Variants in KLHL14 observed in about 807,000 individuals in gnomAD.
KLHL14 encodes kelch like family member 14, also known as kelch-like protein 14.
A neutral mutation model predicts 64.3 loss-of-function variants in KLHL14; 22 were observed. That is an observed-to-expected ratio of 0.34 (90% CI 0.24 to 0.49). KLHL14 has a LOEUF of 0.49. Ranked by LOEUF, KLHL14 falls within the 20% of genes least tolerant of loss-of-function variation. KLHL14 has a pLI of 0.99. For missense variants in KLHL14, 661 were observed against 789.0 expected, an observed-to-expected ratio of 0.84 and a Z score of 1.94; for synonymous variants, 322 against 333.4, an observed-to-expected ratio of 0.97 and a Z score of 0.37.
chr18:32,737,993 TC>T (rs1368104939), intron 3 of KLHL14: 3 of 152,116 alleles, frequency 2.0e-5, no homozygotes, highest in Non-Finnish European at 2.9e-5. Context: ...TATTTTAAAG[TC>T]CCTCTTTTCT....
intron 3 of KLHL14, among the ~76,000 whole-genome samples, chr18:32,714,685 T>G (rs2050035927): frequency 6.6e-6 from 1 of 152,152 alleles, no homozygotes; most frequent in Non-Finnish European, 1.5e-5. Context: ...CGTTGCTGCT[T>G]CCTGTTCAAA....
chr18:32,707,066 CAAG>C (rs1299955911), intron 3 of KLHL14, among the ~76,000 whole-genome samples: 3 of 152,150 alleles, frequency 2.0e-5, no homozygotes, highest in African/African-American at 7.2e-5. Context: ...CCTCCCACCA[CAAG>C]AAGATTAATT....
intron 3 of KLHL14, chr18:32,737,296 G>C (rs1245352237): frequency 6.6e-6 from 1 of 152,052 alleles, no homozygotes; most frequent in Admixed American, 6.6e-5. Flanking sequence ...AACAAATAAT[G>C]ATAAATGATT....
Position 32,680,061 on chromosome 18 carries a change from A to G in KLHL14, c.1588+108T>C. 8.9e-7 allele frequency: 1 copy of G among 1,127,584 alleles called. No homozygotes were observed. The highest frequency in any genetic ancestry group is 1.2e-6 in the Non-Finnish European group (1 of 803,740). 69.8% of individuals were successfully genotyped at this position (1,127,584 alleles called of 1,614,324 possible). A position where few individuals can be genotyped will look rare whatever the true frequency, so the allele number is the denominator to read the frequency against. On this transcript the variant is annotated intron_variant, in intron 7 of 8. Transcript: ENST00000359358. The surrounding 1 kb of genome is among the most constrained non-coding windows in gnomAD (Gnocchi z 4.8). Reference sequence around the variant, plus strand: ...ACAGAGTAGATTTTATTAGGTCAACATGTTTTTTACTTGGTTAACTATGAT... The same window carrying G: ...ACAGAGTAGATTTTATTAGGTCAACGTGTTTTTTACTTGGTTAACTATGAT...
intron 2 of KLHL14, among the ~76,000 whole-genome samples, chr18:32,749,684 A>G (rs1240068174): frequency 6.6e-6 from 1 of 152,206 alleles, no homozygotes; most frequent in Non-Finnish European, 1.5e-5. Context: ...ACTCTTTCCC[A>G]TGTCCTCCCA....
chr18:32,711,217 A>G (rs937700537), intron 3 of KLHL14, among the ~76,000 whole-genome samples: 8 of 152,194 alleles, frequency 5.3e-5, no homozygotes, highest in Non-Finnish European at 1.5e-5. Context: ...GCACAGCTAC[A>G]TGTAAAAGCT....
chr18:32,755,169 C>G (rs1417536161), intron 2 of KLHL14, among the ~76,000 whole-genome samples: 1 of 152,032 alleles, frequency 6.6e-6, no homozygotes, highest in African/African-American at 2.4e-5. Flanking sequence ...CATGGTGCCA[C>G]AATGAACCCT....
At chr18:32,705,467 A>T (rs1387040773) in intron 3 of KLHL14, among the ~76,000 whole-genome samples, 1 of 152,252 alleles carries the variant, frequency 6.6e-6, no homozygotes, top group Non-Finnish European at 1.5e-5. Context: ...TCATGCCTGC[A>T]ATCCCAGCAC....
intron 4 of KLHL14, among the ~76,000 whole-genome samples, chr18:32,693,413 C>CACACAGAGAGAGAGAGAGAGAG (rs1229737083): frequency 2.1e-5 from 2 of 97,016 alleles, no homozygotes; most frequent in African/African-American, 9.7e-5. Context: ...CACACACACA[C>CACACAGAGAGAGAGAGAGAGAG]AGAGAGAGAG....
chr18:32,732,293 C>T (rs1195213974), intron 3 of KLHL14, among the ~76,000 whole-genome samples: 1 of 152,156 alleles, frequency 6.6e-6, no homozygotes, highest in Non-Finnish European at 1.5e-5. Flanking sequence ...CAATACAGTC[C>T]TATGTAGGAA....
chr18:32,727,815 T>A (rs2050115100), intron 3 of KLHL14, among the ~76,000 whole-genome samples: 1 of 152,204 alleles, frequency 6.6e-6, no homozygotes, highest in Admixed American at 6.5e-5. Context: ...ATCTGAGATT[T>A]ACCAGTATGA....
At chr18:32,720,510 T>C (rs1051986736) in intron 3 of KLHL14, among the ~76,000 whole-genome samples, 2 of 152,182 alleles carry the variant, frequency 1.3e-5, no homozygotes, top group African/African-American at 2.4e-5. Flanking sequence ...TTTGGGTTTC[T>C]ATTTGCAGTC....
rs2049955105 is a variant in KLHL14, at chr18:32,699,755, C to T, written c.1070-4203G>A. 1.3e-5 allele frequency among the ~76,000 whole-genome samples: 2 copies of T among 152,146 alleles called. 1 individual carries two copies. The highest frequency in any genetic ancestry group is 4.8e-5 in the African/African-American group (2 of 41,520). ...AATCATATTTTAAATGTGTTTATTA[C>T]TATGATATTTGAATGAATCCTTAAA... On this transcript the variant is annotated intron_variant, in intron 3 of 8. Transcript: ENST00000359358.
At chr18:32,742,480 C>T (rs2050204025) in intron 2 of KLHL14, among the ~76,000 whole-genome samples, 1 of 152,140 alleles carries the variant, frequency 6.6e-6, no homozygotes, top group African/African-American at 2.4e-5. Flanking sequence ...TAAGGTTATG[C>T]AGGGAGTTTG....
intron 3 of KLHL14, among the ~76,000 whole-genome samples, chr18:32,727,265 C>G (rs933455616): frequency 6.6e-6 from 1 of 152,192 alleles, no homozygotes; most frequent in African/African-American, 2.4e-5. Flanking sequence ...CTCTGCCTAG[C>G]AAAAGTACTC....
At chr18:32,709,802 G>T (rs2050010275) in intron 3 of KLHL14, among the ~76,000 whole-genome samples, 1 of 152,090 alleles carries the variant, frequency 6.6e-6, no homozygotes, top group African/African-American at 2.4e-5. Context: ...CCCAATAAGT[G>T]TTTGTTAAAT....
At chr18:32,704,556 C>T (rs1474977918) in intron 3 of KLHL14, among the ~76,000 whole-genome samples, 1 of 152,024 alleles carries the variant, frequency 6.6e-6, no homozygotes, top group Non-Finnish European at 1.5e-5. Flanking sequence ...AACCCTGTCT[C>T]TACTAAAAAT....
At chr18:32,714,901 T>C (rs1228403671) in intron 3 of KLHL14, among the ~76,000 whole-genome samples, 1 of 150,138 alleles carries the variant, frequency 6.7e-6, no homozygotes, top group African/African-American at 2.5e-5. Flanking sequence ...TTTTTTTTTC[T>C]TTTGATGCAG....
At position 32,683,764 on chromosome 18, in the gene KLHL14, C is replaced by T. The variant is rs1326653150; in HGVS notation, c.1239-3165G>A. On this transcript the variant is annotated intron_variant, in intron 5 of 8. Coordinates refer to ENST00000359358, the MANE Select transcript of KLHL14 (RefSeq NM_020805.3). The surrounding 1 kb of genome is among the most constrained non-coding windows in gnomAD (Gnocchi z 4.2). ...CAGATCTTTACAAGTTCTTTCTGGC[C>T]CTTGGAGTTGTCAGTTTATATCCTA... is the stretch of plus-strand genomic sequence containing the variant. Among the ~76,000 whole-genome samples the T allele has an allele frequency of 6.6e-6, 1 of 152,010 alleles. No individual in the cohort carries two copies. Among genetic ancestry groups the T allele is most frequent in the Non-Finnish European group, 1.5e-5 (1 of 68,020 alleles).
Sources: allele counts gnomAD v4.1 joint callset (sites outside exome capture counted in the v4.1 genomes callset), GRCh38; gene constraint gnomAD v4.1.1; non-coding constraint Gnocchi (gnomAD v3.1); transcripts MANE v1.5; gene names NCBI Gene and HGNC (gene_info 2026-07-23, HGNC 2026-07-21).